UXS1: variants seen among roughly 807,000 people sequenced by gnomAD.
UXS1 encodes the protein UDP-glucuronic acid decarboxylase 1.
In UXS1, 33 loss-of-function variants were observed where a neutral mutation model predicts 62.6. That is an observed-to-expected ratio of 0.53 (90% CI 0.40 to 0.70). The LOEUF is 0.70. UXS1 is among the 30% of genes least tolerant of loss of function. UXS1 has a pLI of 0.00. For synonymous variants in UXS1, 213 were observed against 206.8 expected, an observed-to-expected ratio of 1.03 and a Z score of -0.26; for missense variants, 434 against 556.3, an observed-to-expected ratio of 0.78 and a Z score of 2.21.
At chr2:106,189,650 CAT>C (rs35981187) in intron 1 of UXS1, among the ~76,000 whole-genome samples, 3,063 of 152,208 alleles carry the variant, frequency 0.02, 43 homozygotes, top group Admixed American at 0.052. Context: ...GGGGGCTGGA[CAT>C]GTGTGGCGAG....
intron 1 of UXS1, among the ~76,000 whole-genome samples, chr2:106,186,457 T>TATACACACACACACAC (rs375660148): frequency 2.7e-5 from 4 of 148,694 alleles, no homozygotes; most frequent in African/African-American, 1.0e-4. Context: ...TATATATATA[T>TATACACACACACACAC]ACACACACAC....
intron 5 of UXS1, among the ~76,000 whole-genome samples, chr2:106,145,722 G>A (rs1345124927): frequency 6.6e-6 from 1 of 152,098 alleles, no homozygotes; most frequent in Admixed American, 6.5e-5. Flanking sequence ...AGCTCACGTG[G>A]CTTTAATATT....
At chr2:106,095,198 T>C (rs1676979954) in intron 14 of UXS1, among the ~76,000 whole-genome samples, 2 of 152,236 alleles carry the variant, frequency 1.3e-5, no homozygotes, top group Admixed American at 1.3e-4. Context: ...GAATGTATAT[T>C]TAAATCTTCA....
At chr2:106,194,107 A>G (rs1161073143) in intron 1 of UXS1, 41 bp downstream of exon 1, 22 of 1,415,560 alleles carry the variant, frequency 1.6e-5, no homozygotes, top group South Asian at 1.3e-5. Flanking sequence ...GGCGCCGGGG[A>G]ATGAATGGGG....
chr2:106,160,964 CACAT>C (rs1307301525), intron 4 of UXS1, among the ~76,000 whole-genome samples: 1 of 152,224 alleles, frequency 6.6e-6, no homozygotes, highest in African/African-American at 2.4e-5. Context: ...CGAGAAGCCA[CACAT>C]ACAAAGCTGA....
At chr2:106,123,321 C>T (rs1187623995) in intron 8 of UXS1, among the ~76,000 whole-genome samples, 3 of 151,514 alleles carry the variant, frequency 2.0e-5, no homozygotes, top group Non-Finnish European at 2.9e-5. Flanking sequence ...AGAAAAAGAT[C>T]AGGTCTCCCA....
At chr2:106,108,293 G>T (rs1381218563) in intron 10 of UXS1, among the ~76,000 whole-genome samples, 1 of 152,228 alleles carries the variant, frequency 6.6e-6, no homozygotes, top group Non-Finnish European at 1.5e-5. Context: ...GTAAAAGAAA[G>T]GGGTGTGTGT....
chr2:106,191,546 A>C (rs1247206126), intron 1 of UXS1, among the ~76,000 whole-genome samples: 1 of 152,194 alleles, frequency 6.6e-6, no homozygotes, highest in Non-Finnish European at 1.5e-5. Flanking sequence ...CATAGCTAAA[A>C]TCAACCATGT....
At chr2:106,142,832 ACG>A (rs1681228645) in intron 6 of UXS1, among the ~76,000 whole-genome samples, 1 of 152,266 alleles carries the variant, frequency 6.6e-6, no homozygotes, top group East Asian at 1.9e-4. Context: ...AACTGAGGGA[ACG>A]CAATACTCTG....
At chr2:106,105,042 T>A (rs148882299) in intron 10 of UXS1, among the ~76,000 whole-genome samples, 156 of 152,258 alleles carry the variant, frequency 1.0e-3, no homozygotes, top group African/African-American at 3.7e-3. Context: ...ACCTAAAGTG[T>A]GCACCTGGTA....
At position 106,151,149 on chromosome 2, in the gene UXS1, G is replaced by A. The variant is rs1409924886; in HGVS notation, c.292-5779C>T. ...AGGGGAATTTGCCTTAGGATGAATCGTGTCTTGAATTTTTCCCAAATGATG... is the reference window on the plus strand; with the variant it reads ...AGGGGAATTTGCCTTAGGATGAATCATGTCTTGAATTTTTCCCAAATGATG... On this transcript the variant is annotated intron_variant, in intron 5 of 14. Transcript: ENST00000283148. 5.3e-5 allele frequency among the ~76,000 whole-genome samples: 8 copies of A among 152,186 alleles called. No individual in the cohort carries two copies. In the South Asian group the frequency reaches 8.3e-4, roughly 16 times the overall value.
At chr2:106,153,453 A>G (rs148000880) in intron 5 of UXS1, among the ~76,000 whole-genome samples, 16 of 152,330 alleles carry the variant, frequency 1.1e-4, no homozygotes, top group Non-Finnish European at 1.8e-4. Flanking sequence ...CCAAGGAACA[A>G]CAGTTAAAGC....
chr2:106,118,258 A>G (rs1470330749), intron 9 of UXS1, among the ~76,000 whole-genome samples: 1 of 150,988 alleles, frequency 6.6e-6, no homozygotes, highest in Admixed American at 6.6e-5. Flanking sequence ...TAGAATATAT[A>G]TACCAACTCC....
intron 9 of UXS1, among the ~76,000 whole-genome samples, chr2:106,116,711 G>A (rs991481497): frequency 2.0e-5 from 3 of 152,234 alleles, no homozygotes; most frequent in African/African-American, 7.2e-5. Flanking sequence ...TGACTGAGCT[G>A]TGGAGTGGCT....
At chr2:106,112,003 G>A (rs557563402) in intron 10 of UXS1, among the ~76,000 whole-genome samples, 1 of 152,350 alleles carries the variant, frequency 6.6e-6, no homozygotes, top group East Asian at 1.9e-4. Flanking sequence ...AGGCAGGCCT[G>A]GGGTGCTCCT....
chr2:106,099,123 T>G (rs554241876), intron 12 of UXS1, among the ~76,000 whole-genome samples: 1 of 152,322 alleles, frequency 6.6e-6, no homozygotes, highest in East Asian at 1.9e-4. Flanking sequence ...GTTTACAAAA[T>G]TAGCTCTCCT....
intron 6 of UXS1, among the ~76,000 whole-genome samples, chr2:106,143,408 C>CAAAAAAAAAAAAAAAAAAAAAAAA (rs60493984): frequency 1.0e-4 from 4 of 38,654 alleles, no homozygotes; most frequent in African/African-American, 1.2e-4. Flanking sequence ...GACTCCGTCT[C>CAAAAAAAAAAAAAAAAAAAAAAAA]AAAAAAAAAA....
At chr2:106,186,406 A>G (rs1684553569) in intron 1 of UXS1, among the ~76,000 whole-genome samples, 1 of 152,044 alleles carries the variant, frequency 6.6e-6, no homozygotes, top group Non-Finnish European at 1.5e-5. Context: ...ACAAATCCAG[A>G]ATGTGGGACA....
At chr2:106,095,839 C>T (rs546671849) in intron 14 of UXS1, among the ~76,000 whole-genome samples, 18 of 152,328 alleles carry the variant, frequency 1.2e-4, no homozygotes, top group African/African-American at 1.7e-4. Context: ...GCCCTGAGGA[C>T]GAGCGTTCTC....
Sources: allele counts gnomAD v4.1 joint callset (sites outside exome capture counted in the v4.1 genomes callset), GRCh38; gene constraint gnomAD v4.1.1; transcripts MANE v1.5; gene names NCBI Gene and HGNC (gene_info 2026-07-23, HGNC 2026-07-21).